The following OTC variants were observed in gnomAD, a reference collection of about 807,000 sequenced individuals.
OTC encodes ornithine transcarbamylase.
In OTC, 3 loss-of-function variants were observed where a neutral mutation model predicts 30.3. That is an observed-to-expected ratio of 0.10 (90% CI 0.05 to 0.26). The LOEUF is 0.26. Ranked by LOEUF, OTC falls within the 10% of genes least tolerant of loss-of-function variation. The pLI, the probability that OTC is intolerant of heterozygous loss-of-function variation, is 1.00. For missense variants in OTC, 194 were observed against 260.3 expected, an observed-to-expected ratio of 0.75 and a Z score of 1.75; for synonymous variants, 111 against 99.7, an observed-to-expected ratio of 1.11 and a Z score of -0.67.
intron 1 of OTC, among the ~76,000 whole-genome samples, chrX:38,357,978 C>G (rs1274897727): frequency 9.0e-6 from 1 of 111,572 alleles, no homozygotes; most frequent in Non-Finnish European, 1.9e-5. Flanking sequence ...CTCTTATGTG[C>G]AGCCTGAATA....
At chrX:38,348,541 C>CTTT (rs35261069), upstream of OTC, among the ~76,000 whole-genome samples, 39,140 of 88,532 alleles carry the variant, frequency 0.44, 7,860 homozygotes, top group East Asian at 0.64. Context: ...CTTTTTTTTT[C>CTTT]TTTTTTTTTT....
chrX:38,347,931 C>T (rs1344626129), upstream of OTC, among the ~76,000 whole-genome samples: 2 of 111,902 alleles, frequency 1.8e-5, no homozygotes, highest in Non-Finnish European at 3.8e-5. Flanking sequence ...TAGGGAAGCA[C>T]ACTGGCAATT....
chrX:38,372,592 A>T (rs998167335), intron 3 of OTC, among the ~76,000 whole-genome samples: 3 of 112,365 alleles, frequency 2.7e-5, no homozygotes, highest in Non-Finnish European at 3.8e-5. Context: ...CAAATAAATG[A>T]AGCAAGGAGA....
At chrX:38,330,798 A>G in the OTC span, among the ~76,000 whole-genome samples, 3 of 111,917 alleles carry the variant, frequency 2.7e-5, no homozygotes, top group Non-Finnish European at 5.6e-5. Flanking sequence ...CAAATTTGCA[A>G]TGAGGCCACA....
chrX:38,338,472 C>G, the OTC span, among the ~76,000 whole-genome samples: 2 of 111,725 alleles, frequency 1.8e-5, no homozygotes, highest in South Asian at 7.4e-4. Flanking sequence ...TTTGTGACAC[C>G]GGTTTCTGAA....
chrX:38,403,635 G>A lies in OTC; in HGVS notation c.558G>A (p.Leu186=), dbSNP rs2147342624. 8.3e-7 allele frequency: 1 copy of A among 1,209,416 alleles called. No homozygotes were observed. The highest frequency in any genetic ancestry group is 1.8e-5 in the South Asian group (1 of 56,921). ...YLTLQEHYSS[L]KGLTLSWIGD... is the part of the protein sequence containing the mutation. The stretch of plus-strand genomic sequence containing the variant: ...CCTTTTAGGAACACTATAGCTCTCT[G>A]AAAGGTCTTACCCTCAGCTGGATCG... Residue 186 remains leucine, a synonymous_variant, in exon 6 of 10, where the codon CTG becomes CTA. Coordinates refer to ENST00000039007, the MANE Select transcript of OTC (RefSeq NM_000531.6).
upstream of OTC, among the ~76,000 whole-genome samples, chrX:38,349,122 A>T (rs1359908341): frequency 1.8e-5 from 2 of 111,579 alleles, no homozygotes; most frequent in Non-Finnish European, 3.8e-5. Flanking sequence ...AGAAGCAGAC[A>T]TCGAGAAAGG....
Position 38,392,044 on chromosome X carries a change from T to C in OTC, c.387-9231T>C, listed in dbSNP as rs144098718. ...CCGTGCCTTTCCTTTTTCTAAACAG[T>C]AGGAAAAGAGATGATGAATGAAACT... On this transcript the variant is annotated intron_variant, in intron 4 of 9. Coordinates refer to ENST00000039007, the MANE Select transcript of OTC (RefSeq NM_000531.6). 2.8e-3 allele frequency among the ~76,000 whole-genome samples: 317 copies of C among 111,827 alleles called. 1 individual carries two copies. Among genetic ancestry groups the C allele is most frequent in the African/African-American group, 9.6e-3 (298 of 30,921 alleles).
the OTC span, among the ~76,000 whole-genome samples, chrX:38,343,558 T>A: frequency 8.9e-6 from 1 of 112,234 alleles, no homozygotes; most frequent in East Asian, 2.8e-4. Flanking sequence ...TCTTACTTCA[T>A]AAATTGTGTT....
chrX:38,359,176 A>G (rs1259080004), intron 1 of OTC, among the ~76,000 whole-genome samples: 1 of 111,604 alleles, frequency 9.0e-6, no homozygotes, highest in Non-Finnish European at 1.9e-5. Flanking sequence ...CCAGTTTTCC[A>G]GGTTTTGGCC....
chrX:38,414,321 A>G (rs2068559044), intron 9 of OTC, among the ~76,000 whole-genome samples: 1 of 112,130 alleles, frequency 8.9e-6, no homozygotes. Context: ...AAAATTAAAT[A>G]CGTAATGTAT....
intron 3 of OTC, among the ~76,000 whole-genome samples, chrX:38,380,132 CAA>C (rs1254844409): frequency 9.0e-6 from 1 of 111,635 alleles, no homozygotes; most frequent in Non-Finnish European, 1.9e-5. Context: ...TCACACTGAA[CAA>C]AAATAATGAT....
intron 4 of OTC, among the ~76,000 whole-genome samples, chrX:38,397,343 G>C (rs1231418870): frequency 2.7e-5 from 3 of 111,830 alleles, no homozygotes; most frequent in Non-Finnish European, 5.6e-5. Context: ...CAGTGCCTCT[G>C]CCATTTAAAA....
At chrX:38,371,236 G>T in intron 3 of OTC, among the ~76,000 whole-genome samples, 1 of 111,937 alleles carries the variant, frequency 8.9e-6, no homozygotes, top group Middle Eastern at 4.6e-3. Context: ...ACTATCCATG[G>T]ACTCTTCCAA....
intron 4 of OTC, chrX:38,395,262 C>A (rs1284996532): frequency 8.9e-6 from 1 of 112,523 alleles, no homozygotes; most frequent in East Asian, 2.8e-4. Flanking sequence ...AGGCAACTAA[C>A]AAATGATCTT....
intron 3 of OTC, among the ~76,000 whole-genome samples, chrX:38,371,206 A>G (rs982816701): frequency 1.8e-5 from 2 of 112,120 alleles, no homozygotes; most frequent in Admixed American, 1.9e-4. Flanking sequence ...GAAATAAAGC[A>G]GGAGGAAAAA....
chrX:38,352,512 G>A, upstream of OTC: 1 of 427,284 alleles, frequency 2.3e-6, no homozygotes, highest in East Asian at 4.0e-5. Flanking sequence ...AAGTTCAAAT[G>A]CTCCTACACC....
intron 1 of OTC, among the ~76,000 whole-genome samples, chrX:38,357,652 T>G (rs1158834058): frequency 8.9e-6 from 1 of 112,377 alleles, no homozygotes; most frequent in East Asian, 2.8e-4. Context: ...ACCCCCCAGT[T>G]TACCAGAGTT....
intron 1 of OTC, among the ~76,000 whole-genome samples, chrX:38,357,362 GA>G (rs1381944805): frequency 8.9e-6 from 1 of 111,746 alleles, no homozygotes; most frequent in Non-Finnish European, 1.9e-5. Context: ...TCTCAGTAAA[GA>G]AAAAAAACAT....
Sources: gnomAD v4.1 joint callset for allele counts (sites outside exome capture counted in the v4.1 genomes callset) on GRCh38, gnomAD v4.1.1 for gene constraint, MANE v1.5 for transcripts, NCBI Gene and HGNC (gene_info 2026-07-23, HGNC 2026-07-21) for gene names.